FSD1L: variants seen among roughly 807,000 people sequenced by gnomAD.
FSD1L encodes the protein fibronectin type III and SPRY domain containing 1 like.
A neutral mutation model predicts 71.6 loss-of-function variants in FSD1L; 45 were observed. That is an observed-to-expected ratio of 0.63 (90% CI 0.49 to 0.81). FSD1L has a LOEUF of 0.81. FSD1L is among the 30% of genes least tolerant of loss of function. FSD1L has a pLI of 0.00. For missense variants in FSD1L, 561 were observed against 618.1 expected, an observed-to-expected ratio of 0.91 and a Z score of 0.98; for synonymous variants, 197 against 207.2, an observed-to-expected ratio of 0.95 and a Z score of 0.42.
At chr9:105,450,089 A>G (rs1227677214) in intron 1 of FSD1L, among the ~76,000 whole-genome samples, 1 of 152,226 alleles carries the variant, frequency 6.6e-6, no homozygotes. Context: ...AATGTGTATA[A>G]CCAGTTCAGT....
chr9:105,529,820 G>A (rs1054664647), intron 10 of FSD1L, among the ~76,000 whole-genome samples: 12 of 152,128 alleles, frequency 7.9e-5, no homozygotes, highest in Admixed American at 7.9e-4. Context: ...TGGGTCTGGA[G>A]CAAGAGTCCT....
intron 9 of FSD1L, among the ~76,000 whole-genome samples, chr9:105,509,512 A>C (rs980667460): frequency 6.6e-6 from 1 of 152,174 alleles, no homozygotes; most frequent in Non-Finnish European, 1.5e-5. Context: ...TTAATTCCAG[A>C]ACCAGACTCT....
chr9:105,512,633 T>C (rs2131378753), intron 9 of FSD1L, among the ~76,000 whole-genome samples, 174 bp from the exon 10 acceptor site: 1 of 152,258 alleles, frequency 6.6e-6, no homozygotes, highest in Non-Finnish European at 1.5e-5. Flanking sequence ...ATAAGAATTA[T>C]AAATTATAGC....
intron 10 of FSD1L, among the ~76,000 whole-genome samples, chr9:105,527,757 C>G (rs1296500926): frequency 6.6e-6 from 1 of 151,202 alleles, no homozygotes. Context: ...CCCTCTCTCA[C>G]CACTCCTACT....
chr9:105,463,010 C>T (rs1236398996), intron 2 of FSD1L, among the ~76,000 whole-genome samples: 1 of 151,138 alleles, frequency 6.6e-6, no homozygotes, highest in Non-Finnish European at 1.5e-5. Flanking sequence ...TGGTGGCGGA[C>T]ACCTGTAATT....
chr9:105,493,695 G>T (rs1454809325), intron 7 of FSD1L, among the ~76,000 whole-genome samples: 1 of 152,116 alleles, frequency 6.6e-6, no homozygotes, highest in Non-Finnish European at 1.5e-5. Context: ...GGGCAGGCCT[G>T]GTGGTGACAA....
intron 7 of FSD1L, among the ~76,000 whole-genome samples, chr9:105,484,836 C>T (rs1437275304): frequency 1.3e-5 from 2 of 151,980 alleles, no homozygotes; most frequent in Non-Finnish European, 2.9e-5. Context: ...GAACAATTTA[C>T]TTAACTTGCT....
At chr9:105,445,434 G>C (rs563989667), upstream of FSD1L, among the ~76,000 whole-genome samples, 1 of 152,134 alleles carries the variant, frequency 6.6e-6, no homozygotes, top group African/African-American at 2.4e-5. Context: ...CTGTGACAGA[G>C]TCTGGTGATC....
At chr9:105,545,591 A>C (rs1268346330) in intron 13 of FSD1L, among the ~76,000 whole-genome samples, 1 of 151,560 alleles carries the variant, frequency 6.6e-6, no homozygotes, top group African/African-American at 2.4e-5. Context: ...ATTTTGAGAT[A>C]TGTACCGTCA....
At chr9:105,448,833 C>G (rs1169132320) in intron 1 of FSD1L, among the ~76,000 whole-genome samples, 1 of 152,230 alleles carries the variant, frequency 6.6e-6, no homozygotes, top group African/African-American at 2.4e-5. Flanking sequence ...TTCCCACTCT[C>G]TGACCAGTTG....
intron 7 of FSD1L, among the ~76,000 whole-genome samples, chr9:105,494,140 A>G (rs536304349): frequency 1.8e-4 from 27 of 152,290 alleles, no homozygotes; most frequent in East Asian, 1.2e-3. Flanking sequence ...AGGTACACCA[A>G]TCAGACATAG....
At chr9:105,515,066 A>T (rs1368378991) in intron 10 of FSD1L, among the ~76,000 whole-genome samples, 1 of 152,124 alleles carries the variant, frequency 6.6e-6, no homozygotes. Context: ...ACGGTATATG[A>T]TCATGATGGG....
At chr9:105,461,129 G>A (rs903907226) in intron 1 of FSD1L, among the ~76,000 whole-genome samples, 32 of 152,138 alleles carry the variant, frequency 2.1e-4, no homozygotes, top group African/African-American at 7.5e-4. Context: ...AAAGCTTTTA[G>A]GTCGTTTATT....
chr9:105,477,456 GTA>G (rs1831879181), intron 5 of FSD1L, among the ~76,000 whole-genome samples: 1 of 152,170 alleles, frequency 6.6e-6, no homozygotes, highest in Non-Finnish European at 1.5e-5. Flanking sequence ...GAAAGTTATG[GTA>G]CAGAGGGAAA....
rs1005589822 is a variant in FSD1L at position 105,466,564 on chromosome 9, G to A, written c.208-1629G>A. ...AAGAATTAGCTGGTCGTGGTGGCAAGCGCCTGTAATCCCAGCTAGTTGGGA... is the reference window on the plus strand; with the variant it reads ...AAGAATTAGCTGGTCGTGGTGGCAAACGCCTGTAATCCCAGCTAGTTGGGA... On this transcript the variant is annotated intron_variant, in intron 3 of 13. Coordinates refer to ENST00000481272, the MANE Select transcript of FSD1L (RefSeq NM_001145313.3). 2.6e-5 allele frequency among the ~76,000 whole-genome samples: 4 copies of A among 152,204 alleles called. No homozygotes were observed. The South Asian group carries it at 8.3e-4, about 32-fold the overall frequency.
intron 10 of FSD1L, among the ~76,000 whole-genome samples, chr9:105,515,113 A>G (rs530799174): frequency 1.3e-5 from 2 of 152,262 alleles, no homozygotes; most frequent in South Asian, 2.1e-4. Flanking sequence ...TCGAAACTAC[A>G]GTGCACTAGC....
intron 7 of FSD1L, among the ~76,000 whole-genome samples, chr9:105,501,284 T>C (rs1362814347): frequency 2.0e-5 from 3 of 152,196 alleles, no homozygotes; most frequent in Non-Finnish European, 4.4e-5. Flanking sequence ...ATGATAGTTA[T>C]AGCAGTCTAT....
At chr9:105,462,203 A>G (rs1209194961) in intron 2 of FSD1L, among the ~76,000 whole-genome samples, 1 of 150,516 alleles carries the variant, frequency 6.6e-6, no homozygotes, top group East Asian at 1.9e-4. Flanking sequence ...TTTGGTGGAA[A>G]GTTTTTTTAA....
intron 1 of FSD1L, among the ~76,000 whole-genome samples, chr9:105,454,339 A>G (rs552634950): frequency 6.6e-6 from 1 of 152,330 alleles, no homozygotes; most frequent in East Asian, 1.9e-4. Context: ...CATGTTTTAC[A>G]GTACCCTTTT....
Sources: gnomAD v4.1 joint callset for allele counts (sites outside exome capture counted in the v4.1 genomes callset) on GRCh38, gnomAD v4.1.1 for gene constraint, MANE v1.5 for transcripts, NCBI Gene and HGNC (gene_info 2026-07-23, HGNC 2026-07-21) for gene names.